The following SLC16A2 variants were observed in gnomAD, a reference collection of about 807,000 sequenced individuals.
SLC16A2 encodes the protein solute carrier family 16 member 2, also known as monocarboxylate transporter 8.
SLC16A2 carries 3 observed loss-of-function variants against 27.2 expected under a neutral mutation model. The observed-to-expected ratio is 0.11, with a 90% CI of 0.05 to 0.28. The LOEUF is 0.28. Among genes scored for constraint, SLC16A2 ranks in the 10% least tolerant of loss-of-function variants. The pLI is 1.00. For synonymous variants in SLC16A2, 202 were observed against 187.8 expected (o/e 1.08, Z -0.62); for missense variants, 295 against 458.5 (o/e 0.64, Z 3.26).
chrX:74,433,966 G>C (rs1928576690), intron 1 of SLC16A2, among the ~76,000 whole-genome samples: 1 of 112,113 alleles, frequency 8.9e-6, no homozygotes, highest in Non-Finnish European at 1.9e-5. Context: ...AATGAGATGA[G>C]GCATGTAAAA....
At chrX:74,433,371 C>CA (rs146613852) in intron 1 of SLC16A2, among the ~76,000 whole-genome samples, 115 of 78,665 alleles carry the variant, frequency 1.5e-3, no homozygotes, top group Middle Eastern at 6.9e-3. Context: ...GACTCTGTCT[C>CA]AAAAAAAAAA....
At chrX:74,488,783 T>C (rs1929769855) in intron 1 of SLC16A2, among the ~76,000 whole-genome samples, 1 of 111,831 alleles carries the variant, frequency 8.9e-6, no homozygotes, top group Non-Finnish European at 1.9e-5. Context: ...ATTACTTTCA[T>C]TTTTACCTTC....
chrX:74,502,327 A>G (rs5937831), intron 1 of SLC16A2, among the ~76,000 whole-genome samples: 58,366 of 110,321 alleles, frequency 0.53, 13,410 homozygotes, highest in Non-Finnish European at 0.73. Flanking sequence ...TACCAGCCTC[A>G]TCAGTGGCAG....
chrX:74,483,003 A>G (rs1929652488), intron 1 of SLC16A2, among the ~76,000 whole-genome samples: 1 of 111,239 alleles, frequency 9.0e-6, no homozygotes, highest in Non-Finnish European at 1.9e-5. Flanking sequence ...ACCCTGACTG[A>G]CTCTTTTAGT....
chrX:74,435,265 C>T lies in SLC16A2; in HGVS notation c.430+13198C>T, dbSNP rs17312542. Among the ~76,000 whole-genome samples the T allele has an allele frequency of 0.042, 4,572 of 109,684 alleles. 415 individuals are homozygous for T. The East Asian group carries it at 0.55, about 13-fold the overall frequency. On this transcript the variant is annotated intron_variant, in intron 1 of 5. Transcript: ENST00000587091. ...GAGTTTCTGGAAAATGAAAAGTCAA[C>T]GTGGTTTGTGTTACTTAGGGAAAAG...
chrX:74,479,103 C>T (rs986453295), intron 1 of SLC16A2, among the ~76,000 whole-genome samples: 12 of 112,092 alleles, frequency 1.1e-4, no homozygotes, highest in East Asian at 2.8e-4. Flanking sequence ...CCATTCTCCC[C>T]GTCACTTTCA....
At chrX:74,483,353 T>C (rs1929660012) in intron 1 of SLC16A2, among the ~76,000 whole-genome samples, 1 of 111,774 alleles carries the variant, frequency 8.9e-6, no homozygotes, top group Non-Finnish European at 1.9e-5. Flanking sequence ...ACATTAAAAT[T>C]GGGTCTTCTC....
At chrX:74,463,720 G>C (rs771248676) in intron 1 of SLC16A2, among the ~76,000 whole-genome samples, 60 of 111,419 alleles carry the variant, frequency 5.4e-4, no homozygotes, top group African/African-American at 1.6e-3. Flanking sequence ...GTAGAGACAG[G>C]GTTTCACCGT....
At chrX:74,445,206 G>A (rs965932397) in intron 1 of SLC16A2, among the ~76,000 whole-genome samples, 3 of 111,722 alleles carry the variant, frequency 2.7e-5, no homozygotes. Flanking sequence ...ATGTGTGCAT[G>A]CATTGAGGTG....
chrX:74,449,800 T>C (rs1317344278), intron 1 of SLC16A2, among the ~76,000 whole-genome samples: 2 of 111,825 alleles, frequency 1.8e-5, no homozygotes. Flanking sequence ...AAGGCCTTGA[T>C]TCATCCTGGT....
In SLC16A2 at chrX:74,473,780, C is replaced by T. The variant is rs1446841583; in HGVS notation, c.431-47210C>T. On this transcript the variant is annotated intron_variant, in intron 1 of 5. Transcript: ENST00000587091. ...GGTGTCATATGTGACAAATCCAAAG[C>T]CCCTGGAGGGCTTGGTGTTTGGATC... is the stretch of plus-strand genomic sequence containing the variant. 4.8e-6 allele frequency: 3 copies of T among 629,631 alleles called. No homozygotes were observed. In the African/African-American group the frequency reaches 6.5e-5, roughly 14 times the overall value. The allele number at this position is 629,631 out of a possible 1,213,427, so 51.9% of individuals were successfully genotyped here. A position where few individuals can be genotyped will look rare whatever the true frequency, so the allele number is the denominator to read the frequency against.
intron 1 of SLC16A2, among the ~76,000 whole-genome samples, chrX:74,492,577 A>T (rs1373913245): frequency 1.8e-5 from 2 of 110,729 alleles, no homozygotes; most frequent in Non-Finnish European, 1.9e-5. Flanking sequence ...TTTTTGACAT[A>T]ATAAGAGTTC....
intron 1 of SLC16A2, 34 bp downstream of exon 1, chrX:74,422,101 G>A (rs1198041836): frequency 8.4e-7 from 1 of 1,184,430 alleles, no homozygotes. Context: ...TTGGCATTTT[G>A]GGCAAGGTTG....
intron 1 of SLC16A2, among the ~76,000 whole-genome samples, chrX:74,433,042 C>A (rs1928560635): frequency 2.7e-5 from 3 of 111,438 alleles, no homozygotes; most frequent in African/African-American, 6.5e-5. Context: ...TGTGTGTATA[C>A]CCTACCCTTA....
intron 1 of SLC16A2, among the ~76,000 whole-genome samples, chrX:74,437,440 T>G (rs935753598): frequency 8.9e-6 from 1 of 112,073 alleles, no homozygotes; most frequent in Admixed American, 9.4e-5. Context: ...CCCGGAAAAC[T>G]TGGAGTCACT....
At position 74,533,390 on chromosome X, in the gene SLC16A2, A is replaced by T. The variant is rs1192413443; in HGVS notation, c.*1837A>T. ...AGCTCTGTGGGTAGGAAGGGGCCCT[A>T]GAAAGGGCCTAGTTACTATCCTGTC... is the stretch of plus-strand genomic sequence containing the variant. On this transcript the variant is annotated 3_prime_UTR_variant, in exon 6 of 6. Transcript: ENST00000587091. The T allele has an allele frequency of 8.9e-6, 1 of 112,372 alleles. No homozygotes were observed. The highest frequency in any genetic ancestry group is 1.9e-5 in the Non-Finnish European group (1 of 53,197). The allele number at this position is 112,372 out of a possible 1,213,427, so 9.3% of individuals were successfully genotyped here. A position where few individuals can be genotyped will look rare whatever the true frequency, so the allele number is the denominator to read the frequency against.
chrX:74,423,644 T>G (rs1928353817), intron 1 of SLC16A2, among the ~76,000 whole-genome samples: 1 of 111,916 alleles, frequency 8.9e-6, no homozygotes, highest in Non-Finnish European at 1.9e-5. Context: ...CCTGGGACAG[T>G]GTAGAGCAAC....
Position 74,421,841 on chromosome X carries a change from G to T in SLC16A2, c.204G>T (p.Glu68Asp). ...ACCCCGCACCCCTGCCGGAGCTGGA[G>T]TTCGAGTCCGAGCGGGTGCACGAAC... ...LPDPAPLPEL[E>D]FESERVHEPE... Residue 68 changes from glutamate to aspartate, a missense_variant, in exon 1 of 6, where the codon GAG becomes GAT. By Grantham distance (45) the Glu-to-Asp change is conservative. Transcript: ENST00000587091. The T allele has an allele frequency of 2.5e-6, 3 of 1,201,800 alleles. No homozygotes were observed. The highest frequency in any genetic ancestry group is 1.8e-5 in the South Asian group (1 of 55,798).
chrX:74,459,321 C>T lies in SLC16A2; in HGVS notation c.430+37254C>T, dbSNP rs189462748. On this transcript the variant is annotated intron_variant, in intron 1 of 5. Transcript: ENST00000587091. ...TGGGAAGAAGAGGCTGAGGCCAGTG[C>T]CCCCCCAGGGGCTGGAGTTGAGTTG... is the stretch of plus-strand genomic sequence containing the variant. Among the ~76,000 whole-genome samples the T allele has an allele frequency of 9.6e-3, 612 of 63,749 alleles. 3 individuals are homozygous for T. Among genetic ancestry groups the T allele is most frequent in the African/African-American group, 0.033 (584 of 17,705 alleles). 55.4% of individuals were successfully genotyped at this position (63,749 alleles called of 115,157 possible). A position where few individuals can be genotyped will look rare whatever the true frequency, so the allele number is the denominator to read the frequency against.
Sources: allele counts gnomAD v4.1 joint callset (sites outside exome capture counted in the v4.1 genomes callset), GRCh38; gene constraint gnomAD v4.1.1; transcripts MANE v1.5; gene names NCBI Gene and HGNC (gene_info 2026-07-23, HGNC 2026-07-21).